Variants in BMPR1B observed in about 807,000 individuals in gnomAD.
BMPR1B encodes bone morphogenetic protein receptor type 1B, also known as bone morphogenetic protein receptor type-1B.
A neutral mutation model predicts 59.1 loss-of-function variants in BMPR1B; 12 were observed. That is an observed-to-expected ratio of 0.20 (90% confidence interval 0.13 to 0.33). The LOEUF (loss-of-function observed/expected upper bound fraction) is 0.33. BMPR1B is among the 10% of genes least tolerant of loss of function. BMPR1B has a pLI of 1.00. For synonymous variants in BMPR1B, 237 were observed against 207.3 expected (o/e 1.14, Z -1.23); for missense variants, 550 against 610.9 (o/e 0.90, Z 1.05).
chr4:94,975,630 C>G (rs1043703304), intron 2 of BMPR1B, among the ~76,000 whole-genome samples: 1 of 151,988 alleles, frequency 6.6e-6, no homozygotes, highest in South Asian at 2.1e-4. Flanking sequence ...AAGCAATCCA[C>G]CCACCTCCCA....
At chr4:95,131,919 T>C (rs180783129) in intron 10 of BMPR1B, among the ~76,000 whole-genome samples, 1 of 152,214 alleles carries the variant, frequency 6.6e-6, no homozygotes, top group Non-Finnish European at 1.5e-5. Context: ...TTGGGAGAAA[T>C]GTTAGAAACT....
rs1182441213 is a variant in BMPR1B at position 94,931,371 on chromosome 4, CT to C, written c.-113+55472del. 3.0e-4 allele frequency among the ~76,000 whole-genome samples: 46 copies of C among 152,068 alleles called. No homozygotes were observed. In the South Asian group the frequency reaches 5.2e-3, roughly 17 times the overall value. ...ATACACGTCGTGGACTTTTATGTTGCTGGAAATAATCAACATTGTGAATATT... is the reference window on the plus strand; with the variant it reads ...ATACACGTCGTGGACTTTTATGTTGCGGAAATAATCAACATTGTGAATATT... On this transcript the variant is annotated intron_variant, in intron 2 of 12. Coordinates refer to ENST00000515059, the MANE Select transcript of BMPR1B (RefSeq NM_001203.3).
intron 2 of BMPR1B, among the ~76,000 whole-genome samples, chr4:94,955,039 GTA>G (rs1730089531): frequency 6.6e-6 from 1 of 152,150 alleles, no homozygotes; most frequent in African/African-American, 2.4e-5. Flanking sequence ...TGTAGTGGGT[GTA>G]TGATTTAGCT....
intron 2 of BMPR1B, among the ~76,000 whole-genome samples, chr4:94,902,046 GGTGTGTGTGTGT>G (rs34068392): frequency 4.2e-5 from 5 of 119,184 alleles, no homozygotes; most frequent in South Asian, 2.9e-4. Context: ...CAGACTGCAT[GGTGTGTGTGTGT>G]GTGTGTGTGT....
chr4:94,789,683 A>G (rs1722901996), intron 1 of BMPR1B, among the ~76,000 whole-genome samples: 1 of 152,350 alleles, frequency 6.6e-6, no homozygotes, highest in African/African-American at 2.4e-5. Flanking sequence ...ATATAACCAC[A>G]TTTATCTGAG....
At chr4:95,022,508 T>G (rs556951822) in intron 3 of BMPR1B, among the ~76,000 whole-genome samples, 2 of 152,184 alleles carry the variant, frequency 1.3e-5, no homozygotes, top group Non-Finnish European at 2.9e-5. Context: ...TGTTTGATAT[T>G]TGAAACAAAA....
chr4:95,019,915 A>G (rs182768984), intron 3 of BMPR1B, among the ~76,000 whole-genome samples: 105 of 152,328 alleles, frequency 6.9e-4, no homozygotes, highest in African/African-American at 2.2e-3. Flanking sequence ...TTGGAAAATC[A>G]GAAATAGTTA....
At chr4:94,983,391 T>A (rs1242207997) in intron 2 of BMPR1B, among the ~76,000 whole-genome samples, 1 of 152,200 alleles carries the variant, frequency 6.6e-6, no homozygotes, top group Non-Finnish European at 1.5e-5. Flanking sequence ...TAGCAGTTGC[T>A]CAATAAGTGT....
intron 3 of BMPR1B, among the ~76,000 whole-genome samples, chr4:95,084,533 G>A (rs913186411): frequency 6.6e-6 from 1 of 152,136 alleles, no homozygotes; most frequent in African/African-American, 2.4e-5. Flanking sequence ...AGTTAGAGGT[G>A]TAACATGTTG....
At chr4:95,125,379 T>G (rs576598602) in intron 8 of BMPR1B, among the ~76,000 whole-genome samples, 1 of 152,302 alleles carries the variant, frequency 6.6e-6, no homozygotes, top group Admixed American at 6.5e-5. Flanking sequence ...TAGAAAACAT[T>G]AAACACGGGA....
intron 1 of BMPR1B, among the ~76,000 whole-genome samples, chr4:94,769,519 A>G (rs975170743): frequency 1.4e-4 from 22 of 152,264 alleles, no homozygotes; most frequent in African/African-American, 5.3e-4. Context: ...CTGAGGCAGG[A>G]GAATCACTTG....
intron 3 of BMPR1B, among the ~76,000 whole-genome samples, chr4:95,089,431 G>A (rs919137537): frequency 2.4e-4 from 36 of 152,098 alleles, no homozygotes; most frequent in African/African-American, 8.7e-4. Flanking sequence ...AACATTACTG[G>A]CATAAATGAG....
intron 1 of BMPR1B, among the ~76,000 whole-genome samples, chr4:94,829,743 C>A (rs1315895494): frequency 6.6e-6 from 1 of 152,060 alleles, no homozygotes; most frequent in Non-Finnish European, 1.5e-5. Context: ...GTAAGGAAGT[C>A]CAAGGTGCTA....
rs562321216 is a variant in BMPR1B, at chr4:95,032,507, CTATT to C, written c.-18+36374_-18+36377del. On this transcript the variant is annotated intron_variant, in intron 3 of 12. Coordinates refer to ENST00000515059, the MANE Select transcript of BMPR1B (RefSeq NM_001203.3). ...ATTCAGTCCATAACATTCTTTATAT[CTATT>C]AAACAACTACTTCCTATTTTCCCTC... 3.4e-3 allele frequency among the ~76,000 whole-genome samples: 510 copies of C among 152,208 alleles called. 3 individuals are homozygous for C. Among genetic ancestry groups the C allele is most frequent in the African/African-American group, 0.012 (484 of 41,554 alleles).
rs544112783 is a variant in BMPR1B, at chr4:95,098,285, A to T, written c.-17-6123A>T. ...TACCAGGCAAATTCATATTTTCATA[A>T]AATGATTATTTCTATATATGCATGT... On this transcript the variant is annotated intron_variant, in intron 3 of 12. Coordinates refer to ENST00000515059, the MANE Select transcript of BMPR1B (RefSeq NM_001203.3). 2.7e-3 allele frequency among the ~76,000 whole-genome samples: 407 copies of T among 152,274 alleles called. 2 individuals are homozygous for T. Among genetic ancestry groups the T allele is most frequent in the Middle Eastern group, 0.01 (3 of 294 alleles).
chr4:94,766,407 CTTTT>C (rs33979041), intron 1 of BMPR1B, among the ~76,000 whole-genome samples: 7 of 133,180 alleles, frequency 5.3e-5, no homozygotes, highest in Admixed American at 2.2e-4. Flanking sequence ...CGGCTCCTGT[CTTTT>C]TTTTTTTTTT....
At chr4:95,118,652 A>G (rs1376025994) in intron 6 of BMPR1B, among the ~76,000 whole-genome samples, 4 of 152,120 alleles carry the variant, frequency 2.6e-5, no homozygotes, top group African/African-American at 9.7e-5. Context: ...TCCTGGAGAG[A>G]GCTGAAAGCT....
intron 1 of BMPR1B, among the ~76,000 whole-genome samples, chr4:94,767,042 G>C (rs1192683320): frequency 6.6e-5 from 10 of 152,092 alleles, no homozygotes. Flanking sequence ...ACCTCAGGTT[G>C]CTTCATTTTT....
At chr4:94,801,874 A>T (rs567076638) in intron 1 of BMPR1B, among the ~76,000 whole-genome samples, 11 of 152,268 alleles carry the variant, frequency 7.2e-5, no homozygotes, top group African/African-American at 2.2e-4. Flanking sequence ...AATTTGAGAG[A>T]GTTAACAGTT....
Sources: allele counts gnomAD v4.1 joint callset (sites outside exome capture counted in the v4.1 genomes callset), GRCh38; gene constraint gnomAD v4.1.1; transcripts MANE v1.5; gene names NCBI Gene and HGNC (gene_info 2026-07-23, HGNC 2026-07-21).